ATP10B: variants seen among roughly 807,000 people sequenced by gnomAD.
ATP10B encodes phospholipid-transporting ATPase VB.
Under a neutral mutation model 141.2 loss-of-function variants are expected in ATP10B, and 122 were observed. That is an observed-to-expected ratio of 0.86 (90% CI 0.75 to 1.00). ATP10B has a LOEUF of 1.00. ATP10B is among the 50% of genes least tolerant of loss of function. ATP10B has a pLI of 0.00. For missense variants in ATP10B, 1,876 were observed against 1,825.3 expected, an observed-to-expected ratio of 1.03 and a Z score of -0.51; for synonymous variants, 685 against 692.0, an observed-to-expected ratio of 0.99 and a Z score of 0.16.
chr5:160,644,026 G>A, intron 9 of ATP10B, 112 bp downstream of exon 9: 1 of 833,002 alleles, frequency 1.2e-6, no homozygotes, highest in Non-Finnish European at 2.0e-6. Context: ...GAAGTTACAT[G>A]AGTAAATGGG....
chr5:160,807,458 T>G (rs1040084908), intron 1 of ATP10B, among the ~76,000 whole-genome samples: 2 of 152,216 alleles, frequency 1.3e-5, no homozygotes, highest in Admixed American at 6.5e-5. Flanking sequence ...GAGGATACCT[T>G]ATCAGAGATG....
intron 13 of ATP10B, among the ~76,000 whole-genome samples, chr5:160,624,806 G>T (rs1758527807): frequency 6.6e-6 from 1 of 152,188 alleles, no homozygotes; most frequent in South Asian, 2.1e-4. Flanking sequence ...TTAGTGTAAA[G>T]CCAGAATCAG....
chr5:160,609,860 G>A (rs898577561), intron 18 of ATP10B, among the ~76,000 whole-genome samples: 4 of 152,220 alleles, frequency 2.6e-5, no homozygotes, highest in African/African-American at 9.6e-5. Flanking sequence ...GATCAAAGTA[G>A]TCCTTTGGAA....
chr5:160,845,593 T>A (rs1413967247), intron 1 of ATP10B, among the ~76,000 whole-genome samples: 7 of 152,072 alleles, frequency 4.6e-5, no homozygotes, highest in Non-Finnish European at 1.0e-4. Flanking sequence ...AAAGTTTTTT[T>A]AAAAAAATAA....
chr5:160,723,601 ATT>A (rs1766123166), intron 2 of ATP10B, among the ~76,000 whole-genome samples: 2 of 152,076 alleles, frequency 1.3e-5, no homozygotes, highest in Admixed American at 1.3e-4. Context: ...GTTGGTCAAA[ATT>A]TTTTGTGTCA....
At chr5:160,771,161 G>A (rs999089502) in intron 2 of ATP10B, among the ~76,000 whole-genome samples, 1 of 152,162 alleles carries the variant, frequency 6.6e-6, no homozygotes, top group Non-Finnish European at 1.5e-5. Context: ...AATGATGGAT[G>A]TTCACTGGCA....
intron 2 of ATP10B, among the ~76,000 whole-genome samples, chr5:160,747,997 A>G (rs1254041472): frequency 3.5e-3 from 95 of 27,138 alleles, no homozygotes; most frequent in Admixed American, 0.015. Flanking sequence ...TTGAGAGAGA[A>G]AAAAAAAAAA....
intron 24 of ATP10B, among the ~76,000 whole-genome samples, chr5:160,578,060 G>A (rs370501466): frequency 6.6e-6 from 1 of 151,954 alleles, no homozygotes; most frequent in East Asian, 1.9e-4. Context: ...AATCCAGTCT[G>A]TAATTTTTTT....
chr5:160,575,705 A>T (rs760364299), intron 24 of ATP10B, among the ~76,000 whole-genome samples: 48 of 151,398 alleles, frequency 3.2e-4, no homozygotes, highest in Non-Finnish European at 5.9e-4. Context: ...TTAAACAAAT[A>T]AAAAAAAACC....
intron 8 of ATP10B, among the ~76,000 whole-genome samples, chr5:160,648,624 C>G (rs761114174): frequency 2.6e-5 from 4 of 152,248 alleles, no homozygotes; most frequent in Non-Finnish European, 5.9e-5. Context: ...TTCCTCTCTG[C>G]CAGTTGCTGT....
chr5:160,868,534 A>T, the ATP10B span, among the ~76,000 whole-genome samples: 1 of 147,370 alleles, frequency 6.8e-6, no homozygotes, highest in East Asian at 2.0e-4. Context: ...ACACACACAC[A>T]CACACACACA....
At chr5:160,682,698 G>T (rs1763480638) in intron 6 of ATP10B, among the ~76,000 whole-genome samples, 1 of 152,078 alleles carries the variant, frequency 6.6e-6, no homozygotes, top group Non-Finnish European at 1.5e-5. Flanking sequence ...AAACAAGACA[G>T]TAAGGTGGAA....
At chr5:160,600,717 T>C (rs930696481) in intron 21 of ATP10B, among the ~76,000 whole-genome samples, 2 of 152,214 alleles carry the variant, frequency 1.3e-5, no homozygotes, top group Non-Finnish European at 2.9e-5. Flanking sequence ...AGGGAGTGCA[T>C]TGAACCCCAT....
chr5:160,627,802 T>C (rs1267412709), intron 13 of ATP10B, among the ~76,000 whole-genome samples: 1 of 152,224 alleles, frequency 6.6e-6, no homozygotes, highest in Non-Finnish European at 1.5e-5. Context: ...GTGGGAACGG[T>C]ATGCTTCCAC....
intron 1 of ATP10B, among the ~76,000 whole-genome samples, chr5:160,787,394 T>TA (rs1406037466): frequency 2.0e-5 from 3 of 152,118 alleles, no homozygotes; most frequent in African/African-American, 7.2e-5. Flanking sequence ...ACCCCTGCCC[T>TA]AACCTTCCTA....
upstream of ATP10B, among the ~76,000 whole-genome samples, chr5:160,853,936 G>A (rs12522301): frequency 0.75 from 113,439 of 152,036 alleles, 43,590 homozygotes; most frequent in East Asian, 0.97. Context: ...TCTACACTAA[G>A]GCAATTTAGC....
At chr5:160,683,048 A>C (rs1763523832) in intron 6 of ATP10B, among the ~76,000 whole-genome samples, 3 of 150,392 alleles carry the variant, frequency 2.0e-5, no homozygotes, top group Admixed American at 6.6e-5. Flanking sequence ...CCCAAAAAAA[A>C]AAAAAAAAAA....
chr5:160,783,423 TCCATGGATAG>T lies in ATP10B; in HGVS notation c.-331+2126_-331+2135del, dbSNP rs1256289944. 2.4e-5 allele frequency among the ~76,000 whole-genome samples: 3 copies of T among 126,436 alleles called. No homozygotes were observed. The East Asian group carries it at 7.1e-4, about 30-fold the overall frequency. 82.9% of individuals were successfully genotyped at this position (126,436 alleles called of 152,430 possible). On this transcript the variant is annotated intron_variant, in intron 2 of 25. Coordinates refer to ENST00000327245, the MANE Select transcript of ATP10B (RefSeq NM_025153.3). ...ATGGATATATCTATCCATGGATATA[TCCATGGATAG>T]ATATATCCATCACATATATATATAT...
chr5:160,620,770 C>A lies in ATP10B; in HGVS notation c.1993G>T (p.Asp665Tyr). ...TCACCTCCACTGCACACAGATGCAT[C>A]ATCTCTCTCATCCGAGTCTGTGGTG... ...VATTDSDERD[D>Y]ASVCSGGDST... is the part of the protein sequence containing the mutation. The change falls in exon 15 of 26, where the codon GAT (aspartate) becomes TAT (tyrosine). Residue 665 changes from aspartate to tyrosine, a missense_variant. By Grantham distance (160) the Asp-to-Tyr change is radical (BLOSUM62 -3). Coordinates refer to ENST00000327245, the MANE Select transcript of ATP10B (RefSeq NM_025153.3). 3.1e-6 allele frequency: 5 copies of A among 1,614,230 alleles called. No homozygotes were observed. Among genetic ancestry groups the A allele is most frequent in the Non-Finnish European group, 4.2e-6 (5 of 1,180,036 alleles).
Sources: allele counts gnomAD v4.1 joint callset (sites outside exome capture counted in the v4.1 genomes callset), GRCh38; gene constraint gnomAD v4.1.1; transcripts MANE v1.5; gene names NCBI Gene and HGNC (gene_info 2026-07-23, HGNC 2026-07-21).